The following ACOT7 variants were observed in gnomAD, a reference collection of about 807,000 sequenced individuals.
ACOT7 encodes the protein acyl-CoA thioesterase 7, also known as cytosolic acyl coenzyme A thioester hydrolase.
In ACOT7, 12 loss-of-function variants were observed where a neutral mutation model predicts 40.2. That is an observed-to-expected ratio of 0.30 (90% confidence interval 0.19 to 0.48). The LOEUF is 0.48. Among genes scored for constraint, ACOT7 ranks in the 20% least tolerant of loss-of-function variants. ACOT7 has a pLI of 0.99. For missense variants in ACOT7, 395 were observed against 530.8 expected (o/e 0.74, Z 2.51); for synonymous variants, 228 against 219.5 (o/e 1.04, Z -0.34).
At chr1:6,325,294 A>C (rs374330543) in intron 5 of ACOT7, among the ~76,000 whole-genome samples, 29 of 152,062 alleles carry the variant, frequency 1.9e-4, no homozygotes, top group African/African-American at 6.5e-4. Flanking sequence ...GCTACTGGGG[A>C]GGCTGAGGCA....
At chr1:6,323,737 A>AAATATATATAT (rs1553158667) in intron 5 of ACOT7, among the ~76,000 whole-genome samples, 1 of 38,418 alleles carries the variant, frequency 2.6e-5, no homozygotes, top group Non-Finnish European at 5.1e-5. Context: ...AAAAAAAAAA[A>AAATATATATAT]ATATATATAT....
intron 7 of ACOT7, among the ~76,000 whole-genome samples, chr1:6,286,535 G>A (rs1639508632): frequency 6.6e-6 from 1 of 152,216 alleles, no homozygotes; most frequent in African/African-American, 2.4e-5. Flanking sequence ...TTTGGAGTCA[G>A]ATGGGCCTGG....
intron 6 of ACOT7, among the ~76,000 whole-genome samples, chr1:6,316,518 C>G (rs1640500037): frequency 6.6e-6 from 1 of 152,132 alleles, no homozygotes. Context: ...GGAAACATAT[C>G]TCACATCAGG....
At chr1:6,350,370 G>A (rs1415882252) in intron 1 of ACOT7, among the ~76,000 whole-genome samples, 2 of 152,234 alleles carry the variant, frequency 1.3e-5, no homozygotes, top group Non-Finnish European at 2.9e-5. Flanking sequence ...CTGTCAGCAG[G>A]TGAGCGCCTG....
chr1:6,349,397 G>GTC (rs1360703762), intron 2 of ACOT7, among the ~76,000 whole-genome samples: 1 of 152,214 alleles, frequency 6.6e-6, no homozygotes, highest in Non-Finnish European at 1.5e-5. Flanking sequence ...GGCCTCTTAT[G>GTC]TCTCAGCTGT....
Position 6,286,621 on chromosome 1 carries a change from A to C in ACOT7, c.830-5335T>G, listed in dbSNP as rs569507830. ...TGTGCCTCAGTTTCCTCATCTGCAA[A>C]TGCTTTCCCCATGCACCCAGCTTCA... On this transcript the variant is annotated intron_variant, in intron 7 of 8. Transcript: ENST00000361521. 3.7e-4 allele frequency among the ~76,000 whole-genome samples: 57 copies of C among 152,244 alleles called. No individual in the cohort carries two copies. The South Asian group carries it at 0.012, about 32-fold the overall frequency.
intron 8 of ACOT7, among the ~76,000 whole-genome samples, chr1:6,265,462 G>A (rs183954934): frequency 6.6e-6 from 1 of 152,350 alleles, no homozygotes; most frequent in African/African-American, 2.4e-5. Flanking sequence ...CACTCAGGAG[G>A]CGGCACCTTG....
At chr1:6,310,421 G>A (rs537961710) in intron 6 of ACOT7, among the ~76,000 whole-genome samples, 38 of 152,232 alleles carry the variant, frequency 2.5e-4, no homozygotes, top group Admixed American at 2.3e-3. Flanking sequence ...CCACCAGCGT[G>A]GGAGGATGAA....
chr1:6,270,317 G>C (rs1297615922), intron 8 of ACOT7, among the ~76,000 whole-genome samples: 1 of 152,224 alleles, frequency 6.6e-6, no homozygotes, highest in Non-Finnish European at 1.5e-5. Context: ...GGGGTGGGTG[G>C]AGGACGAAAG....
chr1:6,333,791 GAACAA>G (rs1237415707), intron 3 of ACOT7, among the ~76,000 whole-genome samples: 3 of 138,234 alleles, frequency 2.2e-5, no homozygotes, highest in African/African-American at 8.1e-5. Flanking sequence ...TGGACAAACA[GAACAA>G]GAGACCCCAG....
chr1:6,264,981 A>G (rs74049516), intron 8 of ACOT7, among the ~76,000 whole-genome samples: 4,207 of 152,258 alleles, frequency 0.028, 96 homozygotes, highest in African/African-American at 0.053. Flanking sequence ...TCCATAGAGG[A>G]GACACTAAGG....
intron 6 of ACOT7, among the ~76,000 whole-genome samples, chr1:6,310,186 T>C (rs1295812297): frequency 6.6e-6 from 1 of 152,192 alleles, no homozygotes; most frequent in Non-Finnish European, 1.5e-5. Flanking sequence ...CAGTTGCCAC[T>C]TGGAGGCGGG....
intron 7 of ACOT7, among the ~76,000 whole-genome samples, chr1:6,284,861 G>A (rs1176791792): frequency 6.6e-6 from 1 of 152,036 alleles, no homozygotes; most frequent in African/African-American, 2.4e-5. Flanking sequence ...CCTGGCCCCC[G>A]TGGTCTCTCC....
In ACOT7 at chr1:6,279,743, G is replaced by A. The variant is rs539045426; in HGVS notation, c.1014+1359C>T. 1.3e-4 allele frequency among the ~76,000 whole-genome samples: 20 copies of A among 152,278 alleles called. No individual in the cohort carries two copies. The South Asian group carries it at 1.5e-3, about 11-fold the overall frequency. On this transcript the variant is annotated intron_variant, in intron 8 of 8. Coordinates refer to ENST00000361521, the MANE Select transcript of ACOT7 (RefSeq NM_007274.4). ...CTGGAGTTGGCAGCGGAGGGTACTC[G>A]CTGGGCCTGACAGCTCACACACCAC...
At chr1:6,292,673 T>G (rs555770576) in intron 7 of ACOT7, among the ~76,000 whole-genome samples, 2 of 149,102 alleles carry the variant, frequency 1.3e-5, no homozygotes, top group African/African-American at 5.1e-5. Flanking sequence ...TTGTTTTTTT[T>G]TTGTTTTTTT....
intron 1 of ACOT7, among the ~76,000 whole-genome samples, chr1:6,364,938 G>A (rs1208623785): frequency 6.7e-6 from 1 of 149,008 alleles, no homozygotes; most frequent in Admixed American, 6.7e-5. Flanking sequence ...AAGCAGAATC[G>A]CTTAAACCCG....
chr1:6,276,220 T>C (rs1400618758), intron 8 of ACOT7, among the ~76,000 whole-genome samples: 1 of 152,006 alleles, frequency 6.6e-6, no homozygotes, highest in Admixed American at 6.6e-5. Context: ...CCACCTGAGG[T>C]GCCAGGGACG....
Position 6,355,250 on chromosome 1 carries a change from C to T in ACOT7, c.144-5384G>A, listed in dbSNP as rs1165418676. Among the ~76,000 whole-genome samples the T allele has an allele frequency of 6.6e-6, 1 of 152,180 alleles. No homozygotes were observed. Among genetic ancestry groups the T allele is most frequent in the African/African-American group, 2.4e-5 (1 of 41,452 alleles). ...GCACCCGGCACCACCCACCCAAACC[C>T]CAGATGCACAGGGACACCCTGACCC... On this transcript the variant is annotated intron_variant, in intron 1 of 8. Coordinates refer to ENST00000361521, the MANE Select transcript of ACOT7 (RefSeq NM_007274.4). This position sits in a 1 kb window ranked among gnomAD's most constrained non-coding sequence, Gnocchi z 5.0.
At chr1:6,384,201 C>G (rs1161319079) in intron 1 of ACOT7, among the ~76,000 whole-genome samples, 1 of 151,796 alleles carries the variant, frequency 6.6e-6, no homozygotes, top group African/African-American at 2.4e-5. Flanking sequence ...ACAGGAAAGA[C>G]CTGACTAGAC....
Sources: allele counts gnomAD v4.1 joint callset (sites outside exome capture counted in the v4.1 genomes callset), GRCh38; gene constraint gnomAD v4.1.1; non-coding constraint Gnocchi (gnomAD v3.1); transcripts MANE v1.5; gene names NCBI Gene and HGNC (gene_info 2026-07-23, HGNC 2026-07-21).